The following SPA17 variants were observed in gnomAD, a reference collection of about 807,000 sequenced individuals.
SPA17 encodes sperm autoantigenic protein 17.
A neutral mutation model predicts 13.8 loss-of-function variants in SPA17; 7 were observed. That is an observed-to-expected ratio of 0.51 (90% CI 0.29 to 0.95). The LOEUF is 0.95. Among genes scored for constraint, SPA17 ranks in the 40% least tolerant of loss-of-function variants. SPA17 has a pLI of 0.08. For missense variants in SPA17, 170 were observed against 179.3 expected (o/e 0.95, Z 0.30); for synonymous variants, 61 against 59.0 (o/e 1.03, Z -0.16).
In SPA17 at chr11:124,694,618, C is replaced by A; in HGVS notation, c.*172C>A. ...TTAATAAGCATACCATTGAAACATG[C>A]CACTTGAAGATTTCTCTGAGATCAT... On this transcript the variant is annotated 3_prime_UTR_variant, in exon 5 of 5. Transcript: ENST00000227135. 1.3e-6 allele frequency: 1 copy of A among 786,294 alleles called. No homozygotes were observed. Among genetic ancestry groups the A allele is most frequent in the Non-Finnish European group, 1.9e-6 (1 of 518,126 alleles). The allele number at this position is 786,294 out of a possible 1,614,324, so 48.7% of individuals were successfully genotyped here. A position where few individuals can be genotyped will look rare whatever the true frequency, so the allele number is the denominator to read the frequency against.
chr11:124,692,307 G>A (rs1009031421), intron 4 of SPA17, among the ~76,000 whole-genome samples: 7 of 152,020 alleles, frequency 4.6e-5, no homozygotes, highest in East Asian at 1.9e-4. Context: ...GAGGCCGGGC[G>A]TGGTGGCTCA....
At chr11:124,689,659 C>A (rs1185180526) in intron 3 of SPA17, among the ~76,000 whole-genome samples, 1 of 151,772 alleles carries the variant, frequency 6.6e-6, no homozygotes, top group African/African-American at 2.4e-5. Context: ...CACCTGTAGT[C>A]CCCAGCTACT....
intron 3 of SPA17, among the ~76,000 whole-genome samples, chr11:124,688,987 G>A (rs1278673803): frequency 6.6e-6 from 1 of 152,104 alleles, no homozygotes; most frequent in Non-Finnish European, 1.5e-5. Flanking sequence ...CGTAATAGAG[G>A]AGAGGAGCCA....
At chr11:124,685,226 C>T (rs1345371343) in intron 3 of SPA17, among the ~76,000 whole-genome samples, 3 of 152,374 alleles carry the variant, frequency 2.0e-5, no homozygotes, top group African/African-American at 4.8e-5. Context: ...GACATGGTGA[C>T]CTGTGTCCCA....
intron 2 of SPA17, among the ~76,000 whole-genome samples, chr11:124,676,565 A>G (rs1183395956): frequency 6.6e-6 from 1 of 152,246 alleles, no homozygotes; most frequent in Non-Finnish European, 1.5e-5. Context: ...GCAGAGCTCA[A>G]AATCTCTGCC....
At chr11:124,692,306 C>T (rs1453814943) in intron 4 of SPA17, among the ~76,000 whole-genome samples, 2 of 152,142 alleles carry the variant, frequency 1.3e-5, no homozygotes, top group African/African-American at 2.4e-5. Context: ...GGAGGCCGGG[C>T]GTGGTGGCTC....
chr11:124,692,436 C>T (rs927252446), intron 4 of SPA17, among the ~76,000 whole-genome samples: 6 of 151,930 alleles, frequency 3.9e-5, no homozygotes, highest in Admixed American at 1.3e-4. Context: ...AAAAATTAGC[C>T]GGGCATGGTG....
chr11:124,686,168 G>A (rs1002447472), intron 3 of SPA17, among the ~76,000 whole-genome samples: 1 of 140,342 alleles, frequency 7.1e-6, no homozygotes, highest in Admixed American at 7.5e-5. Flanking sequence ...GAGGGATCTC[G>A]TGGAGGTAAT....
At chr11:124,687,644 AAC>A (rs946662311) in intron 3 of SPA17, among the ~76,000 whole-genome samples, 2 of 152,378 alleles carry the variant, frequency 1.3e-5, no homozygotes, top group African/African-American at 4.8e-5. Flanking sequence ...AGGATGGTTC[AAC>A]ATATGCAAAT....
In SPA17 at chr11:124,697,166, A is replaced by G. The variant is rs1277364365; in HGVS notation, c.*2720A>G. 1.3e-5 allele frequency: 2 copies of G among 152,200 alleles called. No homozygotes were observed. Among genetic ancestry groups the G allele is most frequent in the Admixed American group, 6.5e-5 (1 of 15,274 alleles). The allele number at this position is 152,200 out of a possible 1,614,324, so 9.4% of individuals were successfully genotyped here. On this transcript the variant is annotated 3_prime_UTR_variant, in exon 5 of 5. Transcript: ENST00000227135. The stretch of plus-strand genomic sequence containing the variant: ...GCCTTGTGAATTATTGCAATAACCT[A>G]TATTGGCCAGTGATTATCTCACTAC...
At chr11:124,682,548 TA>T (rs1005763673) in intron 3 of SPA17, among the ~76,000 whole-genome samples, 3 of 152,082 alleles carry the variant, frequency 2.0e-5, no homozygotes, top group South Asian at 4.1e-4. Flanking sequence ...TTTTTATTTT[TA>T]AAAAAACCCT....
At chr11:124,694,182 G>A in intron 4 of SPA17, 121 bp from the exon 5 acceptor site, 1 of 1,284,590 alleles carries the variant, frequency 7.8e-7, no homozygotes, top group Non-Finnish European at 1.1e-6. Flanking sequence ...AATTCCCTCA[G>A]GAAGCAACAG....
intron 2 of SPA17, among the ~76,000 whole-genome samples, chr11:124,681,174 TC>T (rs1943525623): frequency 6.6e-6 from 1 of 152,148 alleles, no homozygotes; most frequent in Non-Finnish European, 1.5e-5. Flanking sequence ...TTTCTAAATA[TC>T]CCCAAAGGCT....
At chr11:124,681,304 C>G in intron 2 of SPA17, 85 bp from the exon 3 acceptor site, 3 of 1,131,292 alleles carry the variant, frequency 2.7e-6, no homozygotes, top group South Asian at 1.8e-5. Context: ...TAATTTGAAA[C>G]AAGAAACTTA....
chr11:124,691,865 T>G (rs954596894), intron 4 of SPA17, 83 bp downstream of exon 4: 2 of 779,704 alleles, frequency 2.6e-6, no homozygotes, highest in Non-Finnish European at 3.9e-6. Flanking sequence ...AATATGAATG[T>G]CTGTTATCTT....
In SPA17 at chr11:124,680,439, G is replaced by A. The variant is rs139908558; in HGVS notation, c.155-950G>A. Among the ~76,000 whole-genome samples, 11 of 152,272 alleles carry A rather than the reference G, an allele frequency of 7.2e-5. No individual in the cohort carries two copies. In the East Asian group the frequency reaches 7.7e-4, roughly 11 times the overall value. ...TGAAAAACTCCAAAGGGAAAATGACGTAATTTCATCAACAGATAAATTGCA... is the reference window on the plus strand; with the variant it reads ...TGAAAAACTCCAAAGGGAAAATGACATAATTTCATCAACAGATAAATTGCA... On this transcript the variant is annotated intron_variant, in intron 2 of 4. Coordinates refer to ENST00000227135, the MANE Select transcript of SPA17 (RefSeq NM_017425.4).
chr11:124,686,650 A>T (rs969654640), intron 3 of SPA17, among the ~76,000 whole-genome samples: 1 of 152,242 alleles, frequency 6.6e-6, no homozygotes, highest in African/African-American at 2.4e-5. Context: ...AGCTTTGGAA[A>T]TGATACAAAC....
chr11:124,676,453 T>C (rs922144114), intron 2 of SPA17: 1 of 152,266 alleles, frequency 6.6e-6, no homozygotes, highest in African/African-American at 2.4e-5. Context: ...CATTCTATTG[T>C]AATCATTTTA....
intron 1 of SPA17, chr11:124,674,414 C>A (rs1057335029): frequency 2.6e-5 from 4 of 152,206 alleles, no homozygotes; most frequent in African/African-American, 4.8e-5. Context: ...ATTAAACCGT[C>A]CAGTTCTCCC....
Sources: allele counts gnomAD v4.1 joint callset (sites outside exome capture counted in the v4.1 genomes callset), GRCh38; gene constraint gnomAD v4.1.1; transcripts MANE v1.5; gene names NCBI Gene and HGNC (gene_info 2026-07-23, HGNC 2026-07-21).